The following CNTN5 variants were observed in gnomAD, a reference collection of about 807,000 sequenced individuals.
The protein encoded by CNTN5 is contactin 5.
CNTN5 carries 77 observed loss-of-function variants against 129.1 expected under a neutral mutation model. That is an observed-to-expected ratio of 0.60 (90% CI 0.50 to 0.72). The LOEUF (loss-of-function observed/expected upper bound fraction) is 0.72. Among genes scored for constraint, CNTN5 ranks in the 30% least tolerant of loss-of-function variants. CNTN5 has a pLI of 0.00. For missense variants in CNTN5, 1,478 were observed against 1,328.8 expected (o/e 1.11, Z -1.75); for synonymous variants, 509 against 465.6 (o/e 1.09, Z -1.20).
At chr11:99,401,486 C>A (rs1941805610) in intron 2 of CNTN5, among the ~76,000 whole-genome samples, 1 of 151,936 alleles carries the variant, frequency 6.6e-6, no homozygotes, top group Admixed American at 6.6e-5. Flanking sequence ...GGTTACTATA[C>A]CTCTGTAGTA....
At position 99,264,182 on chromosome 11, in the gene CNTN5, G is replaced by A. The variant is rs986896547; in HGVS notation, c.-209-61164G>A. Among the ~76,000 whole-genome samples, 37 of 151,338 alleles carry A rather than the reference G, an allele frequency of 2.4e-4. No individual in the cohort carries two copies. In the Middle Eastern group the frequency reaches 0.01, roughly 42 times the overall value. On this transcript the variant is annotated intron_variant, in intron 1 of 24. Transcript: ENST00000524871. ...ACAACTATGAACAATGAAGAGCAAT[G>A]ATTATTTTAAATTTTATACAAGAAG...
chr11:99,823,567 T>G (rs775452349), intron 4 of CNTN5, among the ~76,000 whole-genome samples: 1 of 152,172 alleles, frequency 6.6e-6, no homozygotes, highest in Non-Finnish European at 1.5e-5. Flanking sequence ...ATTGTCCTAC[T>G]ATTTTAAGTG....
chr11:99,771,751 C>A (rs77674079), intron 3 of CNTN5, among the ~76,000 whole-genome samples: 1 of 151,682 alleles, frequency 6.6e-6, no homozygotes, highest in Non-Finnish European at 1.5e-5. Context: ...TTAATAATGC[C>A]GTATTGTAAA....
At chr11:99,637,809 T>G (rs1951620640) in intron 3 of CNTN5, among the ~76,000 whole-genome samples, 3 of 151,662 alleles carry the variant, frequency 2.0e-5, no homozygotes, top group Non-Finnish European at 4.4e-5. Context: ...CATATTATTT[T>G]ATACATATTC....
chr11:100,080,223 T>G (rs1346503259), intron 13 of CNTN5, among the ~76,000 whole-genome samples: 4 of 152,126 alleles, frequency 2.6e-5, no homozygotes, highest in Non-Finnish European at 5.9e-5. Flanking sequence ...TAATGGACTA[T>G]AATTCAAACT....
chr11:99,566,853 G>C (rs1257799997), intron 3 of CNTN5, among the ~76,000 whole-genome samples: 3 of 152,096 alleles, frequency 2.0e-5, no homozygotes, highest in Non-Finnish European at 4.4e-5. Flanking sequence ...CCTTTGGTTG[G>C]AGGTTTTTGA....
At chr11:99,804,631 A>T (rs1946214745) in intron 3 of CNTN5, among the ~76,000 whole-genome samples, 1 of 151,504 alleles carries the variant, frequency 6.6e-6, no homozygotes, top group African/African-American at 2.4e-5. Flanking sequence ...TTGCAAAGTA[A>T]AATTCTTTAC....
intron 21 of CNTN5, among the ~76,000 whole-genome samples, chr11:100,322,807 T>A (rs1420481002): frequency 6.6e-6 from 1 of 152,194 alleles, no homozygotes; most frequent in African/African-American, 2.4e-5. Flanking sequence ...TTTTAACTTA[T>A]CCTGTATTTA....
intron 2 of CNTN5, among the ~76,000 whole-genome samples, chr11:99,367,067 A>C (rs1939498759): frequency 6.6e-6 from 1 of 152,184 alleles, no homozygotes; most frequent in African/African-American, 2.4e-5. Context: ...ATGCCTCTAA[A>C]GGTTTAAAAT....
intron 6 of CNTN5, among the ~76,000 whole-genome samples, chr11:99,868,332 A>C (rs888109508): frequency 6.6e-6 from 1 of 152,180 alleles, no homozygotes; most frequent in Non-Finnish European, 1.5e-5. Flanking sequence ...TTAAGCCAAC[A>C]TTTGTTGAAA....
chr11:99,241,318 G>GTTTTTTTTTTTTT (rs10648459), intron 1 of CNTN5, among the ~76,000 whole-genome samples: 2 of 88,050 alleles, frequency 2.3e-5, no homozygotes, highest in Non-Finnish European at 4.2e-5. Context: ...TTGATTGTTG[G>GTTTTTTTTTTTTT]TTTTTTTTTT....
intron 13 of CNTN5, among the ~76,000 whole-genome samples, chr11:100,117,143 T>C (rs1268325744): frequency 6.6e-6 from 1 of 152,036 alleles, no homozygotes; most frequent in African/African-American, 2.4e-5. Flanking sequence ...GGACCTACTG[T>C]CTTCTGAAAA....
At chr11:100,008,236 G>A (rs536673614) in intron 9 of CNTN5, among the ~76,000 whole-genome samples, 1 of 152,108 alleles carries the variant, frequency 6.6e-6, no homozygotes, top group African/African-American at 2.4e-5. Context: ...AGTGAAAGCA[G>A]GCTATTAGAA....
intron 16 of CNTN5, among the ~76,000 whole-genome samples, chr11:100,230,004 C>G (rs1257617475): frequency 6.6e-6 from 1 of 152,164 alleles, no homozygotes; most frequent in Middle Eastern, 3.4e-3. Context: ...AAAAACAAAG[C>G]TTGTTTTGCT....
At chr11:99,705,167 C>T (rs1367844931) in intron 3 of CNTN5, among the ~76,000 whole-genome samples, 1 of 151,316 alleles carries the variant, frequency 6.6e-6, no homozygotes, top group African/African-American at 2.4e-5. Flanking sequence ...TATTCTTATT[C>T]TGTCCTCTTT....
At position 100,309,484 on chromosome 11, in the gene CNTN5, A is replaced by G. The variant is rs184819057; in HGVS notation, c.2730+1016A>G. On this transcript the variant is annotated intron_variant, in intron 21 of 24. Transcript: ENST00000524871. ...ATTTATGGGAAACCATTACCTACTTATACAATATCATGGACTTATTTCTAC... is the reference window on the plus strand; with the variant it reads ...ATTTATGGGAAACCATTACCTACTTGTACAATATCATGGACTTATTTCTAC... 68 of 967,258 alleles carry G rather than the reference A, an allele frequency of 7.0e-5. No homozygotes were observed. The African/African-American group carries it at 1.1e-3, about 15-fold the overall frequency. 59.9% of individuals were successfully genotyped at this position (967,258 alleles called of 1,614,324 possible).
chr11:99,828,395 A>G (rs1308238092), intron 4 of CNTN5, among the ~76,000 whole-genome samples: 1 of 152,194 alleles, frequency 6.6e-6, no homozygotes, highest in Non-Finnish European at 1.5e-5. Context: ...AAGTGCTAGA[A>G]TCTGGTGGGG....
intron 13 of CNTN5, among the ~76,000 whole-genome samples, chr11:100,110,206 G>GA (rs1945602890): frequency 4.9e-5 from 7 of 142,190 alleles, no homozygotes; most frequent in African/African-American, 2.0e-4. Context: ...AAAAAGAAAA[G>GA]AAAAAGAAAA....
intron 3 of CNTN5, among the ~76,000 whole-genome samples, chr11:99,679,628 C>T (rs1953464450): frequency 6.6e-6 from 1 of 152,128 alleles, no homozygotes. Context: ...TCTCCCTGTC[C>T]TTGGCCTTCC....
Sources: gnomAD v4.1 joint callset for allele counts (sites outside exome capture counted in the v4.1 genomes callset) on GRCh38, gnomAD v4.1.1 for gene constraint, MANE v1.5 for transcripts, NCBI Gene and HGNC (gene_info 2026-07-23, HGNC 2026-07-21) for gene names.